FER1L6: variants seen among roughly 807,000 people sequenced by gnomAD.
The protein encoded by FER1L6 is fer-1-like protein 6.
A neutral mutation model predicts 219.2 loss-of-function variants in FER1L6; 177 were observed. The observed-to-expected ratio is 0.81, with a 90% CI of 0.71 to 0.91. The LOEUF (loss-of-function observed/expected upper bound fraction) is 0.91, where lower values mean the gene tolerates loss of function less well. FER1L6 is among the 40% of genes least tolerant of loss of function. FER1L6 has a pLI of 0.00. For missense variants in FER1L6, 2,153 were observed against 2,259.9 expected (o/e 0.95, Z 0.96); for synonymous variants, 768 against 824.3 (o/e 0.93, Z 1.17).
chr8:123,913,134 C>T (rs887776214), intron 1 of FER1L6, among the ~76,000 whole-genome samples: 32 of 152,062 alleles, frequency 2.1e-4, no homozygotes, highest in Non-Finnish European at 4.6e-4. Context: ...CTCACAGATG[C>T]TAACAAAACC....
rs1346642783 is a variant in FER1L6 at position 124,061,905 on chromosome 8, C to A, written c.3201C>A (p.Asp1067Glu). The change falls in exon 25 of 41, where the codon GAC (aspartate) becomes GAA (glutamate). Residue 1067 changes from aspartate to glutamate, a missense_variant. Transcript: ENST00000522917. ...CGCCACTGAGCATCTGCGTGGTGGACTGGAGAGCTTTTGGGAGGAGTACCC... is the reference window on the plus strand; with the variant it reads ...CGCCACTGAGCATCTGCGTGGTGGAATGGAGAGCTTTTGGGAGGAGTACCC... ...LHPPLSICVV[D>E]WRAFGRSTLV... 2 of 1,614,182 alleles carry A rather than the reference C, an allele frequency of 1.2e-6. No homozygotes were observed. The highest frequency in any genetic ancestry group is 1.7e-6 in the Non-Finnish European group (2 of 1,180,024).
At chr8:124,086,673 T>C (rs182932594) in intron 33 of FER1L6, among the ~76,000 whole-genome samples, 3 of 152,316 alleles carry the variant, frequency 2.0e-5, no homozygotes, top group Non-Finnish European at 2.9e-5. Context: ...GTACTTACTG[T>C]TACCAGTGAG....
At chr8:124,059,393 A>C (rs1820454940) in intron 22 of FER1L6, among the ~76,000 whole-genome samples, 1 of 152,212 alleles carries the variant, frequency 6.6e-6, no homozygotes, top group South Asian at 2.1e-4. Flanking sequence ...AAAGGCATTG[A>C]ATGGTAGAAG....
rs912400648 is a variant in FER1L6 at position 123,861,877 on chromosome 8, G to T, written c.-8+9692G>T. Among the ~76,000 whole-genome samples, 138 of 131,354 alleles carry T rather than the reference G, an allele frequency of 1.1e-3. 4 individuals carry two copies. The highest frequency in any genetic ancestry group is 4.1e-3 in the African/African-American group (133 of 32,774). The allele number at this position is 131,354 out of a possible 152,430, so 86.2% of individuals were successfully genotyped here. A position where few individuals can be genotyped will look rare whatever the true frequency, so the allele number is the denominator to read the frequency against. Reference sequence around the variant, plus strand: ...TGCTTATCAGCTTAAGGAGATTTGGGGCTGAGACGATGGGGTTTTCTAGAT... The same window carrying T: ...TGCTTATCAGCTTAAGGAGATTTGGTGCTGAGACGATGGGGTTTTCTAGAT... On this transcript the variant is annotated intron_variant, in intron 1 of 40. Coordinates refer to ENST00000522917, the MANE Select transcript of FER1L6 (RefSeq NM_001039112.2).
At chr8:124,055,381 A>C (rs904544494) in intron 22 of FER1L6, among the ~76,000 whole-genome samples, 2 of 152,136 alleles carry the variant, frequency 1.3e-5, no homozygotes, top group African/African-American at 4.8e-5. Flanking sequence ...TCTTGAAAAA[A>C]AAAATGCATC....
intron 35 of FER1L6, among the ~76,000 whole-genome samples, chr8:124,095,311 C>A (rs1465293503): frequency 6.6e-6 from 1 of 152,162 alleles, no homozygotes; most frequent in African/African-American, 2.4e-5. Context: ...ATTTGAGAAG[C>A]CCTGCCCTGG....
intron 1 of FER1L6, among the ~76,000 whole-genome samples, chr8:123,934,541 T>TG (rs1813908280): frequency 6.6e-6 from 1 of 152,296 alleles, no homozygotes; most frequent in East Asian, 1.9e-4. Context: ...GAATTTTTTT[T>TG]TTTTTCCTAG....
At chr8:123,998,164 A>G (rs1380335579) in intron 12 of FER1L6, among the ~76,000 whole-genome samples, 4 of 152,062 alleles carry the variant, frequency 2.6e-5, no homozygotes, top group Non-Finnish European at 5.9e-5. Context: ...AAAGCTTTCT[A>G]GATATTTGAA....
intron 6 of FER1L6, among the ~76,000 whole-genome samples, chr8:123,972,662 T>C (rs1333756119): frequency 6.6e-6 from 1 of 152,206 alleles, no homozygotes; most frequent in Non-Finnish European, 1.5e-5. Context: ...ATCCTGTTAT[T>C]TGGGAACCAT....
Position 124,064,497 on chromosome 8 carries a change from T to G in FER1L6, c.3479T>G (p.Val1160Gly), listed in dbSNP as rs1315951713. ...AQAQPAILVD[V>G]PDSSPMLEPE... ...GCCCAGCCGGCCATCCTGGTTGACGTCCCTGACTCATCCCCGATGCTGGAG... is the reference window on the plus strand; with the variant it reads ...GCCCAGCCGGCCATCCTGGTTGACGGCCCTGACTCATCCCCGATGCTGGAG... Residue 1160 changes from valine to glycine, a missense_variant, in exon 26 of 41, where the codon GTC becomes GGC. Transcript: ENST00000522917. 6.2e-7 allele frequency: 1 copy of G among 1,613,978 alleles called. No homozygotes were observed. Among genetic ancestry groups the G allele is most frequent in the East Asian group, 2.2e-5 (1 of 44,868 alleles).
chr8:123,966,379 C>T, intron 5 of FER1L6, 89 bp downstream of exon 5: 3 of 1,517,386 alleles, frequency 2.0e-6, no homozygotes, highest in Non-Finnish European at 2.7e-6. Flanking sequence ...AAGAGCTGTG[C>T]CCCTCCTGCC....
At chr8:123,944,000 A>C (rs899784841) in intron 1 of FER1L6, among the ~76,000 whole-genome samples, 1 of 152,090 alleles carries the variant, frequency 6.6e-6, no homozygotes, top group Non-Finnish European at 1.5e-5. Flanking sequence ...TAGAGTAGAG[A>C]TCTGACGGGT....
chr8:124,107,095 C>A (rs1259880009), intron 39 of FER1L6, among the ~76,000 whole-genome samples: 3 of 151,912 alleles, frequency 2.0e-5, no homozygotes, highest in Admixed American at 1.3e-4. Context: ...ACTACAGGCG[C>A]CCGCCACCAA....
At chr8:124,076,058 C>T in intron 31 of FER1L6, 140 bp from the exon 32 acceptor site, 1 of 1,045,156 alleles carries the variant, frequency 9.6e-7, no homozygotes, top group South Asian at 1.8e-5. Context: ...TTTTCAAAAG[C>T]CCAAAGCCCT....
rs138961258 is a variant in FER1L6 at position 124,032,195 on chromosome 8, C to T, written c.2287-3082C>T. Among the ~76,000 whole-genome samples the T allele has an allele frequency of 6.8e-3, 1,042 of 152,218 alleles. 13 individuals carry two copies. Among genetic ancestry groups the T allele is most frequent in the African/African-American group, 0.022 (925 of 41,540 alleles). ...ATCCCAGCACTTTGGGAGGCCGAGG[C>T]GGGTGGATCACCTGAGGTCAGGAGC... On this transcript the variant is annotated intron_variant, in intron 18 of 40. Coordinates refer to ENST00000522917, the MANE Select transcript of FER1L6 (RefSeq NM_001039112.2).
At chr8:124,000,257 G>A (rs1363721505) in intron 12 of FER1L6, among the ~76,000 whole-genome samples, 2 of 152,184 alleles carry the variant, frequency 1.3e-5, no homozygotes, top group African/African-American at 2.4e-5. Context: ...GGATGGAGAA[G>A]AATGAATCAC....
chr8:124,097,794 G>C lies in FER1L6; in HGVS notation c.4794G>C (p.Leu1598Phe). Residue 1598 changes from leucine (L) to phenylalanine (F), a missense_variant, in exon 37 of 41, where the codon TTG becomes TTC. Transcript: ENST00000522917. ...ISPRRPKGYE[L>F]RVTIWNTEDV... is the part of the protein sequence containing the mutation. ...CCTTCTCCCATCCCAGATACGAATT[G>C]AGAGTGACCATCTGGAACACTGAAG... 1.9e-6 allele frequency: 3 copies of C among 1,584,528 alleles called. No homozygotes were observed. The highest frequency in any genetic ancestry group is 1.7e-6 in the Non-Finnish European group (2 of 1,152,846).
At chr8:124,086,640 G>A (rs1273175455) in intron 33 of FER1L6, among the ~76,000 whole-genome samples, 1 of 152,044 alleles carries the variant, frequency 6.6e-6, no homozygotes, top group African/African-American at 2.4e-5. Context: ...CACACTTAGT[G>A]TTATAACATT....
chr8:123,979,952 T>C (rs1008184005), intron 10 of FER1L6, among the ~76,000 whole-genome samples: 2 of 152,192 alleles, frequency 1.3e-5, no homozygotes, highest in African/African-American at 4.8e-5. Flanking sequence ...CCTTTCTAAC[T>C]GGCACATGCT....
Sources: gnomAD v4.1 joint callset for allele counts (sites outside exome capture counted in the v4.1 genomes callset) on GRCh38, gnomAD v4.1.1 for gene constraint, MANE v1.5 for transcripts, NCBI Gene and HGNC (gene_info 2026-07-23, HGNC 2026-07-21) for gene names.